WDR72: variants seen among roughly 807,000 people sequenced by gnomAD.
WDR72 encodes the protein WD repeat-containing protein 72.
In WDR72, 120 loss-of-function variants were observed where a neutral mutation model predicts 124.2. The ratio of observed to expected loss-of-function variants is 0.97; its 90% CI spans 0.83 to 1.12. The LOEUF (loss-of-function observed/expected upper bound fraction) is 1.12. Among genes scored for constraint, WDR72 ranks in the 50% most tolerant of loss-of-function variants. The pLI, the probability that WDR72 is intolerant of heterozygous loss-of-function variation, is 0.00. For synonymous variants in WDR72, 452 were observed against 441.7 expected (o/e 1.02, Z -0.29); for missense variants, 1,387 against 1,278.8 (o/e 1.08, Z -1.29).
At chr15:53,657,117 A>G (rs1185498660) in intron 14 of WDR72, among the ~76,000 whole-genome samples, 2 of 151,904 alleles carry the variant, frequency 1.3e-5, no homozygotes, top group Non-Finnish European at 2.9e-5. Context: ...ACAAAAAATT[A>G]GCCGGTTGTG....
intron 18 of WDR72, among the ~76,000 whole-genome samples, chr15:53,579,985 A>C (rs2011828880): frequency 1.3e-5 from 2 of 152,044 alleles, no homozygotes; most frequent in South Asian, 4.1e-4. Flanking sequence ...CTATCACTGA[A>C]ACTTTATCAT....
chr15:53,711,258 A>C lies in WDR72; in HGVS notation c.857+78T>G, dbSNP rs773788299. 1.2e-5 allele frequency: 19 copies of C among 1,597,758 alleles called. No homozygotes were observed. The East Asian group carries it at 4.0e-4, about 34-fold the overall frequency. ...TGGTTTTTGATCATGGGCAGCATGC[A>C]GGGATTTTTCCATAATAAACCTCCC... On this transcript the variant is annotated intron_variant, in intron 8 of 19. Transcript: ENST00000360509.
At chr15:53,708,645 T>C (rs1005678419) in intron 9 of WDR72, among the ~76,000 whole-genome samples, 3 of 152,192 alleles carry the variant, frequency 2.0e-5, no homozygotes, top group Admixed American at 6.5e-5. Flanking sequence ...TGTTTGTATG[T>C]TTGACAATAA....
intron 1 of WDR72, among the ~76,000 whole-genome samples, chr15:53,735,394 G>T (rs549857241): frequency 1.4e-4 from 21 of 152,222 alleles, no homozygotes; most frequent in Non-Finnish European, 2.5e-4. Flanking sequence ...AAATAGGTCA[G>T]TGATTGCTCA....
chr15:53,572,387 GATT>G (rs1894564466), intron 18 of WDR72, among the ~76,000 whole-genome samples: 1 of 150,024 alleles, frequency 6.7e-6, no homozygotes, highest in Non-Finnish European at 1.5e-5. Context: ...AATTTGAGTT[GATT>G]TTTTGTATAC....
intron 2 of WDR72, among the ~76,000 whole-genome samples, chr15:53,727,766 G>A (rs150371841): frequency 3.2e-4 from 48 of 152,270 alleles, no homozygotes; most frequent in African/African-American, 1.1e-3. Flanking sequence ...TTCATATGAA[G>A]TCCTCATTCT....
intron 18 of WDR72, among the ~76,000 whole-genome samples, chr15:53,585,508 C>G (rs1906432): frequency 0.83 from 125,532 of 151,902 alleles, 52,017 homozygotes; most frequent in Middle Eastern, 0.9. Flanking sequence ...CATATAATTG[C>G]GCTATTGGGT....
intron 9 of WDR72, among the ~76,000 whole-genome samples, chr15:53,707,014 T>G (rs8037930): frequency 0.063 from 9,512 of 152,134 alleles, 1,069 homozygotes; most frequent in African/African-American, 0.22. Flanking sequence ...TCGGGCAGGT[T>G]TGTATATAGA....
chr15:53,548,770 T>G (rs921910511), intron 18 of WDR72, among the ~76,000 whole-genome samples: 61 of 152,072 alleles, frequency 4.0e-4, no homozygotes, highest in African/African-American at 1.4e-3. Context: ...CCCCTTAAAA[T>G]GGAAGAGCTA....
At chr15:53,684,516 G>A (rs187036195) in intron 13 of WDR72, 139 of 162,274 alleles carry the variant, frequency 8.6e-4, no homozygotes, top group African/African-American at 3.2e-3. Context: ...TTAAAAAGCG[G>A]CGCACCACGA....
intron 9 of WDR72, among the ~76,000 whole-genome samples, chr15:53,708,833 G>C (rs932128912): frequency 2.0e-5 from 3 of 152,080 alleles, no homozygotes; most frequent in East Asian, 3.9e-4. Flanking sequence ...CCAGTTCCTT[G>C]TCTCAATAGC....
chr15:53,534,382 C>T (rs962789126), intron 18 of WDR72, among the ~76,000 whole-genome samples: 22 of 152,134 alleles, frequency 1.4e-4, no homozygotes, highest in African/African-American at 5.3e-4. Context: ...TAATATGAGT[C>T]ATGCGTTGCA....
chr15:53,622,293 ATAAATCATTC>A (rs1322697106), intron 14 of WDR72, among the ~76,000 whole-genome samples: 1 of 152,212 alleles, frequency 6.6e-6, no homozygotes, highest in Non-Finnish European at 1.5e-5. Flanking sequence ...CCATAGGAAT[ATAAATCATTC>A]TATTATAAAG....
chr15:53,656,932 C>G (rs2015439672), intron 14 of WDR72, among the ~76,000 whole-genome samples: 1 of 151,894 alleles, frequency 6.6e-6, no homozygotes, highest in Admixed American at 6.6e-5. Flanking sequence ...CTACAAGAAG[C>G]AGGATCTTAA....
chr15:53,581,173 T>C (rs2011904214), intron 18 of WDR72, among the ~76,000 whole-genome samples: 2 of 152,090 alleles, frequency 1.3e-5, no homozygotes, highest in Non-Finnish European at 2.9e-5. Context: ...GTGTGTTTAA[T>C]GTTAGTACTT....
chr15:53,520,300 AATTAT>A (rs1419900441), intron 19 of WDR72, among the ~76,000 whole-genome samples: 1 of 152,088 alleles, frequency 6.6e-6, no homozygotes. Flanking sequence ...ATGATGTAAT[AATTAT>A]ATTAGTCATT....
rs2141164956 is a variant in WDR72 at position 53,516,242 on chromosome 15, CACTTTAATCT to C, written c.*1447_*1456del. 1 of 152,212 alleles carries C rather than the reference CACTTTAATCT, an allele frequency of 6.6e-6. No individual in the cohort carries two copies. Among genetic ancestry groups the C allele is most frequent in the South Asian group, 2.1e-4 (1 of 4,830 alleles). 9.4% of individuals were successfully genotyped at this position (152,212 alleles called of 1,614,324 possible). On this transcript the variant is annotated 3_prime_UTR_variant, in exon 20 of 20. Transcript: ENST00000360509. ...CATATTTTAGGAAACAAAGAATGCA[CACTTTAATCT>C]ACTTTAAGGGAGTCACACTCATTTG... is the stretch of plus-strand genomic sequence containing the variant.
chr15:53,723,639 A>G (rs2017939521), intron 2 of WDR72, among the ~76,000 whole-genome samples: 1 of 152,178 alleles, frequency 6.6e-6, no homozygotes, highest in African/African-American at 2.4e-5. Context: ...CAGCTGCCCC[A>G]CACCCCATGC....
At chr15:53,678,607 G>A (rs1470100219) in intron 13 of WDR72, among the ~76,000 whole-genome samples, 2 of 152,200 alleles carry the variant, frequency 1.3e-5, no homozygotes, top group Non-Finnish European at 2.9e-5. Flanking sequence ...GAGTCTTACA[G>A]AACAGAGACT....
Sources: allele counts gnomAD v4.1 joint callset (sites outside exome capture counted in the v4.1 genomes callset), GRCh38; gene constraint gnomAD v4.1.1; transcripts MANE v1.5; gene names NCBI Gene and HGNC (gene_info 2026-07-23, HGNC 2026-07-21).